PEX5L: variants seen among roughly 807,000 people sequenced by gnomAD.
The protein encoded by PEX5L is peroxisomal biogenesis factor 5 like.
In PEX5L, 30 loss-of-function variants were observed where a neutral mutation model predicts 84.0. The ratio of observed to expected loss-of-function variants is 0.36; its 90% CI spans 0.27 to 0.48. PEX5L has a LOEUF of 0.48. PEX5L is among the 20% of genes least tolerant of loss of function. PEX5L has a pLI of 0.99. For synonymous variants in PEX5L, 270 were observed against 283.1 expected, an observed-to-expected ratio of 0.95 and a Z score of 0.46; for missense variants, 533 against 754.6, an observed-to-expected ratio of 0.71 and a Z score of 3.44.
At chr3:179,952,609 A>T (rs1779397429) in intron 2 of PEX5L, among the ~76,000 whole-genome samples, 1 of 152,192 alleles carries the variant, frequency 6.6e-6, no homozygotes, top group African/African-American at 2.4e-5. Context: ...AGAGGACATA[A>T]ACAAATAGAA....
chr3:179,972,976 G>A (rs541228912), intron 1 of PEX5L, among the ~76,000 whole-genome samples: 1 of 152,220 alleles, frequency 6.6e-6, no homozygotes, highest in Admixed American at 6.5e-5. Flanking sequence ...CCTCATTTGA[G>A]GTTCCATTTC....
intron 9 of PEX5L, among the ~76,000 whole-genome samples, chr3:179,817,017 C>G (rs1221544495): frequency 6.6e-6 from 1 of 152,052 alleles, no homozygotes; most frequent in Non-Finnish European, 1.5e-5. Context: ...CATGTTTTTG[C>G]TAAGTGCTAC....
At chr3:179,962,094 G>A (rs1782220184) in intron 2 of PEX5L, among the ~76,000 whole-genome samples, 1 of 51,712 alleles carries the variant, frequency 1.9e-5, no homozygotes, top group South Asian at 1.3e-3. Context: ...CAAAGTTTGT[G>A]AGAACCATTT....
At chr3:180,001,785 C>G (rs1579300178) in intron 1 of PEX5L, among the ~76,000 whole-genome samples, 1 of 151,920 alleles carries the variant, frequency 6.6e-6, no homozygotes, top group East Asian at 1.9e-4. Flanking sequence ...TTCTTTTTTG[C>G]TTACCTACCC....
At chr3:179,904,518 T>A (rs751045752) in intron 2 of PEX5L, among the ~76,000 whole-genome samples, 2 of 152,148 alleles carry the variant, frequency 1.3e-5, no homozygotes, top group African/African-American at 2.4e-5. Flanking sequence ...CTTTCCTTGG[T>A]CTGAATGATT....
intron 2 of PEX5L, among the ~76,000 whole-genome samples, chr3:179,908,510 G>T (rs1460516313): frequency 6.6e-6 from 1 of 152,100 alleles, no homozygotes; most frequent in Non-Finnish European, 1.5e-5. Flanking sequence ...GGGTACATGT[G>T]CACAACGTGC....
chr3:179,963,432 T>C (rs1323079743), intron 2 of PEX5L, among the ~76,000 whole-genome samples: 1 of 152,176 alleles, frequency 6.6e-6, no homozygotes. Flanking sequence ...CCAGCGTCAA[T>C]GATAACTTAA....
chr3:180,022,991 C>A (rs1336536602), intron 1 of PEX5L, among the ~76,000 whole-genome samples: 1 of 152,304 alleles, frequency 6.6e-6, no homozygotes, highest in East Asian at 1.9e-4. Flanking sequence ...TCCAAGGCCA[C>A]CGCAATGTCC....
At chr3:180,015,907 A>G (rs950958679) in intron 1 of PEX5L, among the ~76,000 whole-genome samples, 1 of 131,698 alleles carries the variant, frequency 7.6e-6, no homozygotes, top group Non-Finnish European at 1.6e-5. Flanking sequence ...ATAATGTATA[A>G]TAAATAAACA....
intron 7 of PEX5L, among the ~76,000 whole-genome samples, chr3:179,866,175 GTATTT>G (rs1411313774): frequency 1.3e-5 from 2 of 152,110 alleles, no homozygotes; most frequent in Non-Finnish European, 2.9e-5. Context: ...AAGGAATGTT[GTATTT>G]TATTTTCTTT....
At chr3:179,898,070 T>C (rs561046930) in intron 3 of PEX5L, 72 bp downstream of exon 3, 4 of 844,016 alleles carry the variant, frequency 4.7e-6, no homozygotes, top group African/African-American at 3.5e-5. Context: ...TTTTTTTTTC[T>C]AGTTAAAAAT....
chr3:180,012,193 G>C (rs1789549628), intron 1 of PEX5L, among the ~76,000 whole-genome samples: 1 of 152,154 alleles, frequency 6.6e-6, no homozygotes, highest in Non-Finnish European at 1.5e-5. Context: ...CAGGCTTTTA[G>C]AAACTACTCT....
intron 1 of PEX5L, among the ~76,000 whole-genome samples, chr3:179,983,371 T>C (rs1786514251): frequency 6.6e-6 from 1 of 152,026 alleles, no homozygotes; most frequent in Non-Finnish European, 1.5e-5. Context: ...AAGAATCTAC[T>C]TAACACTTAA....
At chr3:179,888,555 T>G (rs1352093728) in intron 3 of PEX5L, among the ~76,000 whole-genome samples, 1 of 152,110 alleles carries the variant, frequency 6.6e-6, no homozygotes, top group Non-Finnish European at 1.5e-5. Context: ...ATTCTGCACC[T>G]CTTTGAATCC....
At chr3:180,018,176 T>C (rs1194803949) in intron 1 of PEX5L, among the ~76,000 whole-genome samples, 1 of 152,222 alleles carries the variant, frequency 6.6e-6, no homozygotes, top group Non-Finnish European at 1.5e-5. Context: ...CATCTATTAA[T>C]ATATACCATA....
At chr3:180,025,368 T>C (rs1174564491) in intron 1 of PEX5L, among the ~76,000 whole-genome samples, 2 of 152,204 alleles carry the variant, frequency 1.3e-5, no homozygotes, top group African/African-American at 2.4e-5. Flanking sequence ...AAAGAGTATA[T>C]ACTTTGCACT....
intron 7 of PEX5L, among the ~76,000 whole-genome samples, chr3:179,861,852 G>A (rs909453233): frequency 1.3e-5 from 2 of 152,216 alleles, no homozygotes; most frequent in Admixed American, 6.5e-5. Flanking sequence ...ATAGAAAAAT[G>A]TATGCCCAAC....
intron 2 of PEX5L, among the ~76,000 whole-genome samples, chr3:179,918,249 T>C (rs1767963237): frequency 6.6e-6 from 1 of 152,306 alleles, no homozygotes; most frequent in South Asian, 2.1e-4. Flanking sequence ...TTCTACTTGG[T>C]GGTACTTCAC....
intron 8 of PEX5L, among the ~76,000 whole-genome samples, chr3:179,829,532 A>G (rs1162359336): frequency 6.6e-6 from 1 of 152,136 alleles, no homozygotes; most frequent in African/African-American, 2.4e-5. Context: ...CTTTGCTGAT[A>G]GGGCTGTTGT....
Sources: allele counts gnomAD v4.1 joint callset (sites outside exome capture counted in the v4.1 genomes callset), GRCh38; gene constraint gnomAD v4.1.1; transcripts MANE v1.5; gene names NCBI Gene and HGNC (gene_info 2026-07-23, HGNC 2026-07-21).